Variants in LRRC53 observed in about 807,000 individuals in gnomAD.
LRRC53 encodes the protein leucine rich repeat containing 53, also known as leucine-rich repeat-containing protein 53.
A neutral mutation model predicts 13.6 loss-of-function variants in LRRC53; 25 were observed. That is an observed-to-expected ratio of 1.83 (90% confidence interval 1.34 to 2.56). The LOEUF (loss-of-function observed/expected upper bound fraction) is 2.56. LRRC53 is among the 30% of genes most tolerant of loss of function. The probability of loss-of-function intolerance (pLI) is 0.00; values close to 1 mark genes in which losing one functional copy is unlikely to be tolerated. For synonymous variants in LRRC53, 204 were observed against 109.8 expected (o/e 1.86, Z -5.37); for missense variants, 527 against 275.8 (o/e 1.91, Z -6.45).
At chr1:74,518,595 G>A in the LRRC53 span, among the ~76,000 whole-genome samples, 8 of 152,074 alleles carry the variant, frequency 5.3e-5, no homozygotes, top group African/African-American at 1.7e-4. Flanking sequence ...TATGGTTCCC[G>A]TGTTTCACCT....
the LRRC53 span, among the ~76,000 whole-genome samples, chr1:74,521,601 T>G: frequency 6.6e-6 from 1 of 152,168 alleles, no homozygotes; most frequent in Non-Finnish European, 1.5e-5. Flanking sequence ...CTGCGTTCCT[T>G]TATTTAGCAA....
chr1:74,536,951 A>T, the LRRC53 span, among the ~76,000 whole-genome samples: 2 of 152,172 alleles, frequency 1.3e-5, no homozygotes, highest in African/African-American at 4.8e-5. Flanking sequence ...CTGGATGCAC[A>T]TGGGTGGAAA....
At chr1:74,504,498 G>A (rs1669790189) in intron 1 of LRRC53, among the ~76,000 whole-genome samples, 2 of 152,164 alleles carry the variant, frequency 1.3e-5, no homozygotes, top group South Asian at 4.1e-4. Flanking sequence ...CCCTTAGTTT[G>A]AAACAGCCTT....
At chr1:74,530,289 A>C in the LRRC53 span, among the ~76,000 whole-genome samples, 3 of 152,328 alleles carry the variant, frequency 2.0e-5, no homozygotes, top group Admixed American at 2.0e-4. Flanking sequence ...TTTGAGAATC[A>C]CTTCTAGAGC....
At chr1:74,532,195 T>C in the LRRC53 span, among the ~76,000 whole-genome samples, 1 of 152,228 alleles carries the variant, frequency 6.6e-6, no homozygotes, top group Admixed American at 6.5e-5. Flanking sequence ...AGTGCATGTG[T>C]ATCTCATGTT....
upstream of LRRC53, among the ~76,000 whole-genome samples, chr1:74,513,608 G>A (rs1646301463): frequency 6.6e-6 from 1 of 152,192 alleles, no homozygotes; most frequent in Non-Finnish European, 1.5e-5. Context: ...GCGCTACTAT[G>A]TGGGAGTGTT....
chr1:74,489,689 C>T (rs1668953117), intron 1 of LRRC53, among the ~76,000 whole-genome samples: 3 of 152,198 alleles, frequency 2.0e-5, no homozygotes, highest in Admixed American at 2.0e-4. Flanking sequence ...TGCTTTCACA[C>T]CACATATATG....
chr1:74,514,004 G>T (rs1368364909), upstream of LRRC53, among the ~76,000 whole-genome samples: 1 of 152,154 alleles, frequency 6.6e-6, no homozygotes, highest in Non-Finnish European at 1.5e-5. Flanking sequence ...TACAGTGCCT[G>T]CCTCTCTCTC....
At position 74,491,438 on chromosome 1, in the gene LRRC53, C is replaced by T. The variant is rs868704323; in HGVS notation, c.-26-8063G>A. Among the ~76,000 whole-genome samples the T allele has an allele frequency of 2.6e-5, 4 of 152,096 alleles. No individual in the cohort carries two copies. The East Asian group carries it at 7.7e-4, about 29-fold the overall frequency. ...TTTCACCATGTTGACCAGATGGTGT[C>T]GATCTGTTGACCAGGATGGTGTCGA... On this transcript the variant is annotated intron_variant, in intron 1 of 4. Coordinates refer to ENST00000294635, the MANE Select transcript of LRRC53 (RefSeq NM_001382280.1).
chr1:74,516,628 G>A (rs1324869420), upstream of LRRC53, among the ~76,000 whole-genome samples: 1 of 152,130 alleles, frequency 6.6e-6, no homozygotes, highest in African/African-American at 2.4e-5. Context: ...GCTACTATGG[G>A]CCATGGGACC....
At chr1:74,497,581 CAT>C (rs1412375431) in intron 1 of LRRC53, among the ~76,000 whole-genome samples, 8 of 150,254 alleles carry the variant, frequency 5.3e-5, no homozygotes, top group East Asian at 3.9e-4. Flanking sequence ...CACACACACA[CAT>C]ACACATGCAC....
At chr1:74,489,329 G>C (rs1485204879) in intron 1 of LRRC53, 12 of 1,456,512 alleles carry the variant, frequency 8.2e-6, no homozygotes, top group African/African-American at 1.4e-5. Context: ...ATGAGCTGGT[G>C]CTTATGAAAA....
At position 74,471,782 on chromosome 1, in the gene LRRC53, G is replaced by T. The variant is rs1207628390; in HGVS notation, c.1840C>A (p.Leu614Ile). The T allele has an allele frequency of 2.4e-6, 1 of 420,104 alleles. No homozygotes were observed. Among genetic ancestry groups the T allele is most frequent in the Non-Finnish European group, 4.2e-6 (1 of 238,210 alleles). The allele number at this position is 420,104 out of a possible 1,614,324, so 26.0% of individuals were successfully genotyped here. ...AAATCTATGTTGTCCTCACTCATAA[G>T]AAATTTTTCTATTGCACTGTTAATT... ...IQINSAIEKF[L>I]MSEDNIDLSG... The change falls in exon 5 of 5, where the codon CTT becomes ATT. Residue 614 changes from leucine (L) to isoleucine (I), a missense_variant. Transcript: ENST00000294635.
At chr1:74,493,483 T>C (rs1260963118) in intron 1 of LRRC53, among the ~76,000 whole-genome samples, 2 of 152,190 alleles carry the variant, frequency 1.3e-5, no homozygotes, top group African/African-American at 4.8e-5. Context: ...CATGCCCCAG[T>C]TCCCAATAGA....
the LRRC53 span, among the ~76,000 whole-genome samples, chr1:74,525,842 C>G: frequency 6.6e-6 from 1 of 152,292 alleles, no homozygotes; most frequent in Admixed American, 6.5e-5. Context: ...AAAGAGGCAT[C>G]ACAGCACATC....
the LRRC53 span, among the ~76,000 whole-genome samples, chr1:74,518,875 T>TC: frequency 6.1e-5 from 1 of 16,338 alleles, no homozygotes; most frequent in Non-Finnish European, 1.2e-4. Context: ...TTTTTTCCCC[T>TC]TTTTTTTTTT....
In LRRC53 at chr1:74,471,564, G is replaced by C; in HGVS notation, c.2058C>G (p.Asn686Lys). 2 of 400,544 alleles carry C rather than the reference G, an allele frequency of 5.0e-6. No homozygotes were observed. The highest frequency in any genetic ancestry group is 4.4e-6 in the Non-Finnish European group (1 of 226,158). The allele number at this position is 400,544 out of a possible 1,614,324, so 24.8% of individuals were successfully genotyped here. ...AATTAGTAAACCATTTTTCTCCTTT[G>C]TTTCTCTCCCCAGTGTTGCTAAATT... ...VKKFSNTGER[N>K]KGEKWFTNSW... The change falls in exon 5 of 5, where the codon AAC (asparagine) becomes AAG (lysine). Residue 686 changes from asparagine (N) to lysine (K), a missense_variant. Transcript: ENST00000294635.
chr1:74,519,924 A>G, the LRRC53 span, among the ~76,000 whole-genome samples: 1 of 152,104 alleles, frequency 6.6e-6, no homozygotes, highest in South Asian at 2.1e-4. Flanking sequence ...CCCTGACTGG[A>G]CAGCATGTTC....
At chr1:74,507,223 A>AC (rs36051033) in intron 1 of LRRC53, among the ~76,000 whole-genome samples, 21,264 of 119,314 alleles carry the variant, frequency 0.18, 2,080 homozygotes, top group African/African-American at 0.26. Flanking sequence ...AAATTTCTTC[A>AC]CCCCCCCCCC....
Sources: allele counts gnomAD v4.1 joint callset (sites outside exome capture counted in the v4.1 genomes callset), GRCh38; gene constraint gnomAD v4.1.1; transcripts MANE v1.5; gene names NCBI Gene and HGNC (gene_info 2026-07-23, HGNC 2026-07-21).